The following TMEM74 variants were observed in gnomAD, a reference collection of about 807,000 sequenced individuals.
The protein encoded by TMEM74 is transmembrane protein 74.
TMEM74 carries 13 observed loss-of-function variants against 18.1 expected under a neutral mutation model. That is an observed-to-expected ratio of 0.72 (90% CI 0.47 to 1.14). The LOEUF is 1.14. TMEM74 is among the 50% of genes most tolerant of loss of function. The probability of loss-of-function intolerance (pLI) is 0.00; values close to 1 mark genes in which losing one functional copy is unlikely to be tolerated. For missense variants in TMEM74, 372 were observed against 375.9 expected, an observed-to-expected ratio of 0.99 and a Z score of 0.09; for synonymous variants, 159 against 146.6, an observed-to-expected ratio of 1.08 and a Z score of -0.61.
intron 2 of TMEM74, among the ~76,000 whole-genome samples, chr8:108,623,676 A>G (rs1282922708): frequency 2.0e-5 from 3 of 152,022 alleles, no homozygotes; most frequent in Non-Finnish European, 4.4e-5. Flanking sequence ...ATGTATTTCT[A>G]ATTTTCAGGG....
At chr8:108,665,429 C>A (rs1812940406) in intron 1 of TMEM74, among the ~76,000 whole-genome samples, 1 of 151,972 alleles carries the variant, frequency 6.6e-6, no homozygotes, top group Non-Finnish European at 1.5e-5. Context: ...GAAGCAGAGG[C>A]CCTACCCCTT....
chr8:108,651,746 G>A (rs1812776509), intron 2 of TMEM74, among the ~76,000 whole-genome samples: 1 of 152,004 alleles, frequency 6.6e-6, no homozygotes, highest in Non-Finnish European at 1.5e-5. Context: ...TTGACAAGGA[G>A]AAACAGCAGT....
intron 1 of TMEM74, chr8:108,655,573 T>G (rs1812813500): frequency 6.6e-6 from 1 of 152,150 alleles, no homozygotes; most frequent in African/African-American, 2.4e-5. Flanking sequence ...AAATTTTTAA[T>G]ATAGTTCTTA....
intron 2 of TMEM74, among the ~76,000 whole-genome samples, chr8:108,609,252 G>T (rs551035031): frequency 6.6e-6 from 1 of 152,258 alleles, no homozygotes; most frequent in South Asian, 2.1e-4. Context: ...AATATTAACT[G>T]GAAATTTCAT....
At chr8:108,611,000 T>C (rs898377272) in intron 2 of TMEM74, among the ~76,000 whole-genome samples, 2 of 152,214 alleles carry the variant, frequency 1.3e-5, no homozygotes, top group African/African-American at 4.8e-5. Flanking sequence ...TGGAAAGGAC[T>C]GGATAAAATG....
At chr8:108,773,998 C>T (rs1396628237), downstream of TMEM74, among the ~76,000 whole-genome samples, 1 of 152,080 alleles carries the variant, frequency 6.6e-6, no homozygotes, top group African/African-American at 2.4e-5. Context: ...CCATATATGA[C>T]TTATACACGA....
chr8:108,784,787 G>C lies in TMEM74; in HGVS notation c.312C>G (p.Ser104Arg). 1 of 1,614,206 alleles carries C rather than the reference G, an allele frequency of 6.2e-7. No individual in the cohort carries two copies. Among genetic ancestry groups the C allele is most frequent in the Non-Finnish European group, 8.5e-7 (1 of 1,180,026 alleles). The change falls in exon 2 of 2, where the codon AGC (serine) becomes AGG (arginine). Residue 104 changes from serine (S) to arginine (R), a missense_variant. Coordinates refer to ENST00000297459, the MANE Select transcript of TMEM74 (RefSeq NM_153015.3). ...AGGTAAAAGAAGTTTCTAATTCCTG[G>C]CTGCAGCAGTTACAGACTTTCCGTT... ...TAERKVCNCC[S>R]QELETSFTYV...
intron 2 of TMEM74, among the ~76,000 whole-genome samples, chr8:108,629,420 A>G (rs189711043): frequency 6.6e-6 from 1 of 152,246 alleles, no homozygotes; most frequent in Non-Finnish European, 1.5e-5. Flanking sequence ...TCAGGATATT[A>G]TCCAGGAGAA....
At chr8:108,650,438 C>T (rs1486871624) in intron 2 of TMEM74, among the ~76,000 whole-genome samples, 1 of 152,124 alleles carries the variant, frequency 6.6e-6, no homozygotes, top group Non-Finnish European at 1.5e-5. Context: ...CATTTCATGC[C>T]AAGCAAAAGC....
At chr8:108,642,450 G>T (rs1019585486) in intron 2 of TMEM74, among the ~76,000 whole-genome samples, 1 of 151,130 alleles carries the variant, frequency 6.6e-6, no homozygotes, top group Non-Finnish European at 1.5e-5. Context: ...TGATACATCT[G>T]TTAATTGCTT....
chr8:108,721,302 A>C (rs1813585252), intron 1 of TMEM74, among the ~76,000 whole-genome samples: 1 of 152,204 alleles, frequency 6.6e-6, no homozygotes, highest in African/African-American at 2.4e-5. Flanking sequence ...TCTCACTAGA[A>C]TCTTATCAAA....
intron 1 of TMEM74, among the ~76,000 whole-genome samples, chr8:108,690,587 G>A (rs993763577): frequency 1.3e-5 from 2 of 151,772 alleles, no homozygotes; most frequent in African/African-American, 2.4e-5. Flanking sequence ...AGGCCGAGGC[G>A]GGCAGATCAC....
intron 2 of TMEM74, among the ~76,000 whole-genome samples, chr8:108,637,633 A>G (rs1045568900): frequency 5.3e-5 from 8 of 152,178 alleles, no homozygotes; most frequent in African/African-American, 1.9e-4. Context: ...GCCAAGGAAT[A>G]CAGATGGTAT....
chr8:108,735,956 T>C (rs1458243512), intron 1 of TMEM74, among the ~76,000 whole-genome samples: 1 of 152,184 alleles, frequency 6.6e-6, no homozygotes, highest in East Asian at 1.9e-4. Flanking sequence ...CTTGAATTGC[T>C]CACTTGACAA....
At chr8:108,636,796 A>G (rs904513910) in intron 2 of TMEM74, among the ~76,000 whole-genome samples, 2 of 151,930 alleles carry the variant, frequency 1.3e-5, no homozygotes, top group Admixed American at 6.6e-5. Context: ...GTGGCCGAGT[A>G]AAAGAAGTGA....
intron 2 of TMEM74, among the ~76,000 whole-genome samples, chr8:108,616,771 T>C (rs574644215): frequency 2.6e-5 from 4 of 152,202 alleles, no homozygotes; most frequent in South Asian, 2.1e-4. Context: ...CTTAAGTTGA[T>C]TTAAGTTTCA....
intron 1 of TMEM74, among the ~76,000 whole-genome samples, chr8:108,683,764 C>T (rs1163618449): frequency 6.6e-6 from 1 of 151,876 alleles, no homozygotes; most frequent in Non-Finnish European, 1.5e-5. Context: ...CTCCCTCTAC[C>T]CTTCCCAGTC....
intron 2 of TMEM74, among the ~76,000 whole-genome samples, chr8:108,651,189 G>T: frequency 6.6e-6 from 1 of 152,066 alleles, no homozygotes; most frequent in Admixed American, 6.6e-5. Context: ...TTAAAAAAAA[G>T]TACCACTATA....
At chr8:108,707,739 C>A (rs1431131923) in intron 1 of TMEM74, among the ~76,000 whole-genome samples, 5 of 152,062 alleles carry the variant, frequency 3.3e-5, no homozygotes, top group Non-Finnish European at 7.4e-5. Context: ...CTCTAAAAAT[C>A]TTAGAAGGAA....
Sources: gnomAD v4.1 joint callset for allele counts (sites outside exome capture counted in the v4.1 genomes callset) on GRCh38, gnomAD v4.1.1 for gene constraint, MANE v1.5 for transcripts, NCBI Gene and HGNC (gene_info 2026-07-23, HGNC 2026-07-21) for gene names.